The following FASN variants were observed in gnomAD, a reference collection of about 807,000 sequenced individuals.
The protein encoded by FASN is fatty acid synthase, also known as 3-hydroxyacyl-[acyl-carrier-protein] dehydratase.
FASN carries 50 observed loss-of-function variants against 250.0 expected under a neutral mutation model. That is an observed-to-expected ratio of 0.20 (90% CI 0.16 to 0.25). The LOEUF is 0.25. Among genes scored for constraint, FASN ranks in the 10% least tolerant of loss-of-function variants. FASN has a pLI of 1.00. For missense variants in FASN, 3,031 were observed against 3,498.5 expected, an observed-to-expected ratio of 0.87 and a Z score of 3.37; for synonymous variants, 1,909 against 1,584.0, an observed-to-expected ratio of 1.21 and a Z score of -4.87.
intron 11 of FASN, 128 bp from the exon 12 acceptor site, chr17:82,089,854 C>T (rs1250248141): frequency 1.2e-5 from 10 of 847,642 alleles, no homozygotes; most frequent in South Asian, 1.2e-4. Context: ...TTGGAGCCTT[C>T]ATGAGAAAGG....
intron 8 of FASN, 85 bp from the exon 9 acceptor site, chr17:82,091,769 CAT>C: frequency 7.9e-7 from 1 of 1,262,032 alleles, no homozygotes; most frequent in Non-Finnish European, 1.1e-6. Flanking sequence ...CCGAGACTCT[CAT>C]GTGGGGCCAG....
Position 82,089,658 on chromosome 17 carries a change from C to A in FASN, c.1939G>T (p.Asp647Tyr). 2 of 1,605,208 alleles carry A rather than the reference C, an allele frequency of 1.2e-6. No individual in the cohort carries two copies. Among genetic ancestry groups the A allele is most frequent in the African/African-American group, 1.3e-5 (1 of 74,958 alleles). The change falls in exon 12 of 43, where the codon GAC (aspartate) becomes TAC (tyrosine). Residue 647 changes from aspartate to tyrosine, a missense_variant. Asp to Tyr is a radical substitution (Grantham distance 160). Coordinates refer to ENST00000306749, the MANE Select transcript of FASN (RefSeq NM_004104.5). Reference sequence around the variant, plus strand: ...TGAGGTCCCGAGATGGTGACTGTGTCCTTGGAGTTGTGGCAGGCGGGCACC... The same window carrying A: ...TGAGGTCCCGAGATGGTGACTGTGTACTTGGAGTTGTGGCAGGCGGGCACC... ...GVVPACHNSK[D>Y]TVTISGPQAP...
In FASN at chr17:82,081,814, C is replaced by T. The variant is rs772957840; in HGVS notation, c.6193G>A (p.Asp2065Asn). The stretch of plus-strand genomic sequence containing the variant: ...ATCGTCTCCACCAAAATGCCCACGT[C>T]GCCGATGGCGCCCCACTGCACGGCC... ...GLAVQWGAIG[D>N]VGILVETMST... The change falls in exon 37 of 43, where the codon GAC (aspartate) becomes AAC (asparagine). Residue 2065 changes from aspartate (D) to asparagine (N), a missense_variant. Physicochemically the swap from Asp to Asn is conservative, Grantham distance 23. Transcript: ENST00000306749. 1.4e-5 allele frequency: 23 copies of T among 1,610,420 alleles called. No homozygotes were observed. The highest frequency in any genetic ancestry group is 1.1e-4 in the African/African-American group (8 of 74,770).
At position 82,085,755 on chromosome 17, in the gene FASN, G is replaced by C. The variant is rs369844708; in HGVS notation, c.3849C>G (p.Ala1283=). The C allele has an allele frequency of 6.4e-7, 1 of 1,565,614 alleles. No individual in the cohort carries two copies. Among genetic ancestry groups the C allele is most frequent in the Admixed American group, 1.9e-5 (1 of 53,144 alleles). ...TDRHPQALEA[A]QAELQQHDVA... is the part of the protein sequence containing the mutation. ...CGTCGTGCTGCTGCAGCTCGGCCTG[G>C]GCAGCCTCCAGGGCCTGGGGGTGGC... The change falls in exon 23 of 43, where the codon GCC becomes GCG. Residue 1283 remains alanine, a synonymous_variant. Transcript: ENST00000306749.
rs770144939 is a variant in FASN, at chr17:82,088,909, T to C, written c.2305-33A>G. On this transcript the variant is annotated intron_variant, in intron 14 of 42. Transcript: ENST00000306749. ...CGGCAGGGCAGGTGGGCTCTCTTGG[T>C]GCTCAGCTGAGGCGCCCATCCCAGG... is the stretch of plus-strand genomic sequence containing the variant. The C allele has an allele frequency of 7.5e-6, 12 of 1,610,234 alleles. No individual in the cohort carries two copies. The East Asian group carries it at 2.7e-4, about 36-fold the overall frequency.
chr17:82,094,188 C>T (rs2034265669), intron 3 of FASN: 1 of 333,388 alleles, frequency 3.0e-6, no homozygotes, highest in Non-Finnish European at 5.8e-6. Flanking sequence ...CAAGGGCAGC[C>T]TGCACCAGAA....
chr17:82,097,058 G>A (rs1382329510), intron 1 of FASN, among the ~76,000 whole-genome samples: 1 of 152,232 alleles, frequency 6.6e-6, no homozygotes, highest in East Asian at 1.9e-4. Context: ...GAGCCACCAG[G>A]GCTGGGGAGG....
In FASN at chr17:82,090,995, A is replaced by T; in HGVS notation, c.1567T>A (p.Ser523Thr). ...CCGAATGGCTTCACAGCCTCATCGG[A>T]GCGTAGGATGGAATCTCGGAAGCGG... ...LDRFRDSILRSDEAVKPFGLK... is the reference protein window; with the variant it reads ...LDRFRDSILRTDEAVKPFGLK... The change falls in exon 10 of 43, where the codon TCC becomes ACC. Residue 523 changes from serine (S) to threonine (T), a missense_variant. By Grantham distance (58) the Ser-to-Thr change is moderately conservative. Coordinates refer to ENST00000306749, the MANE Select transcript of FASN (RefSeq NM_004104.5). The T allele has an allele frequency of 6.2e-7, 1 of 1,612,786 alleles. No homozygotes were observed. Among genetic ancestry groups the T allele is most frequent in the Non-Finnish European group, 8.5e-7 (1 of 1,179,962 alleles).
rs369743683 is a variant in FASN, at chr17:82,093,820, C to A, written c.281-49G>T. On this transcript the variant is annotated intron_variant, in intron 3 of 42. Coordinates refer to ENST00000306749, the MANE Select transcript of FASN (RefSeq NM_004104.5). ...GCCACGGCCGGGCCCCACAGCGCAG[C>A]CAGCCCACCCACCCACCCGGCTCTG... The A allele has an allele frequency of 1.0e-5, 16 of 1,564,324 alleles. No homozygotes were observed. The African/African-American group carries it at 2.2e-4, about 21-fold the overall frequency.
chr17:82,097,655 T>A (rs2144815435), intron 1 of FASN: 1 of 152,048 alleles, frequency 6.6e-6, no homozygotes, highest in South Asian at 2.1e-4. Context: ...TCGGGACCCC[T>A]GCGCTTCGGC....
chr17:82,083,361 C>T lies in FASN; in HGVS notation c.5406G>A (p.Glu1802=), dbSNP rs776117487. Reference sequence around the variant, plus strand: ...ACACCTCCCGCCAGTCAGCACTGCTCTCGTTGAAGAACGCATCCAGTAGGA... The same window carrying T: ...ACACCTCCCGCCAGTCAGCACTGCTTTCGTTGAAGAACGCATCCAGTAGGA... ...HGVLLDAFFN[E]SSADWREVWA... The change falls in exon 32 of 43, where the codon GAG becomes GAA. Residue 1802 remains glutamate, a synonymous_variant. Coordinates refer to ENST00000306749, the MANE Select transcript of FASN (RefSeq NM_004104.5). 1.9e-6 allele frequency: 3 copies of T among 1,612,764 alleles called. No homozygotes were observed. In the African/African-American group the frequency reaches 4.0e-5, roughly 22 times the overall value.
At chr17:82,093,132 G>C (rs1452564771) in intron 5 of FASN, 87 bp downstream of exon 5, 3 of 1,542,812 alleles carry the variant, frequency 1.9e-6, no homozygotes, top group African/African-American at 2.7e-5. Context: ...CCCGGAGCTG[G>C]CAGGATCCTG....
chr17:82,094,545 C>T (rs2034271205), intron 3 of FASN, among the ~76,000 whole-genome samples: 1 of 151,904 alleles, frequency 6.6e-6, no homozygotes. Context: ...AATCCCAGCA[C>T]TTTGGGAAGC....
chr17:82,080,261 G>A (rs1397537299), intron 40 of FASN, 23 bp from the exon 41 acceptor site: 1 of 1,612,548 alleles, frequency 6.2e-7, no homozygotes, highest in Admixed American at 1.7e-5. Flanking sequence ...AGGGACTGCT[G>A]AGCAGATGGA....
In FASN at chr17:82,087,724, C is replaced by T. The variant is rs746706682; in HGVS notation, c.3004G>A (p.Gly1002Ser). 20 of 1,612,152 alleles carry T rather than the reference C, an allele frequency of 1.2e-5. No individual in the cohort carries two copies. The highest frequency in any genetic ancestry group is 5.0e-5 in the Admixed American group (3 of 59,992). The part of the protein sequence containing the change: ...KELRLRGYDY[G>S]PHFQGILEAS... ...TCCAGGATGCCCTGGAAATGAGGGC[C>T]GTAGTCGTAGCCACGCAGACGCAGC... Residue 1002 changes from glycine (G) to serine (S), a missense_variant, in exon 19 of 43, where the codon GGC becomes AGC. Gly to Ser is a moderately conservative substitution (Grantham distance 56). Transcript: ENST00000306749.
At chr17:82,082,226 G>A (rs2034001795) in intron 35 of FASN, 66 bp from the exon 36 acceptor site, 16 of 1,601,802 alleles carry the variant, frequency 1.0e-5, no homozygotes, top group Non-Finnish European at 1.3e-5. Flanking sequence ...CCCATCCCCA[G>A]GAAACGCCAG....
chr17:82,081,474 C>T, intron 37 of FASN, 122 bp from the exon 38 acceptor site: 1 of 1,580,246 alleles, frequency 6.3e-7, no homozygotes. Context: ...ACCACAGTGA[C>T]ACCTGCGCCC....
At position 82,084,962 on chromosome 17, in the gene FASN, A is replaced by G; in HGVS notation, c.4410-9T>C. On this transcript the variant is annotated splice_polypyrimidine_tract_variant and intron_variant, in intron 25 of 42. Coordinates refer to ENST00000306749, the MANE Select transcript of FASN (RefSeq NM_004104.5). ...TGGAGAGCAGCACACACCTGGGGGC[A>G]GAGGCGGGGAGCTCAGGCTGGGGAT... is the stretch of plus-strand genomic sequence containing the variant. 6.4e-7 allele frequency: 1 copy of G among 1,559,938 alleles called. No homozygotes were observed. Among genetic ancestry groups the G allele is most frequent in the Non-Finnish European group, 8.7e-7 (1 of 1,151,662 alleles).
Position 82,079,119 on chromosome 17 carries a change from C to T in FASN, c.*24G>A. 6.2e-7 allele frequency: 1 copy of T among 1,604,438 alleles called. No homozygotes were observed. ...TGGGGTGGGGATGGTGGAGTGACCT[C>T]CGGTGGCAGGCGGGGGCACGGGCCT... On this transcript the variant is annotated 3_prime_UTR_variant, in exon 43 of 43. Coordinates refer to ENST00000306749, the MANE Select transcript of FASN (RefSeq NM_004104.5).
Sources: gnomAD v4.1 joint callset for allele counts (sites outside exome capture counted in the v4.1 genomes callset) on GRCh38, gnomAD v4.1.1 for gene constraint, MANE v1.5 for transcripts, NCBI Gene and HGNC (gene_info 2026-07-23, HGNC 2026-07-21) for gene names.